The following DAB1 variants were observed in gnomAD, a reference collection of about 807,000 sequenced individuals.
The protein encoded by DAB1 is DAB adaptor protein 1.
In DAB1, 15 loss-of-function variants were observed where a neutral mutation model predicts 64.6. The observed-to-expected ratio is 0.23, with a 90% CI of 0.16 to 0.36. The LOEUF (loss-of-function observed/expected upper bound fraction) is 0.36. Ranked by LOEUF, DAB1 falls within the 10% of genes least tolerant of loss-of-function variation. The pLI, the probability that DAB1 is intolerant of heterozygous loss-of-function variation, is 1.00. For synonymous variants in DAB1, 235 were observed against 251.9 expected, an observed-to-expected ratio of 0.93 and a Z score of 0.64; for missense variants, 596 against 706.7, an observed-to-expected ratio of 0.84 and a Z score of 1.78.
intron 5 of DAB1, among the ~76,000 whole-genome samples, chr1:58,008,483 A>G (rs1392197477): frequency 6.6e-6 from 1 of 152,114 alleles, no homozygotes; most frequent in Non-Finnish European, 1.5e-5. Context: ...GGTATATAGC[A>G]ATTAACATTA....
chr1:58,430,438 G>A (rs189119939), intron 3 of DAB1, among the ~76,000 whole-genome samples: 2 of 152,270 alleles, frequency 1.3e-5, no homozygotes. Flanking sequence ...CATAATGTAA[G>A]AGATCATATC....
chr1:57,076,932 G>C (rs905162122), intron 4 of DAB1, among the ~76,000 whole-genome samples: 1 of 152,118 alleles, frequency 6.6e-6, no homozygotes, highest in Non-Finnish European at 1.5e-5. Flanking sequence ...ATGTGCTATG[G>C]CTACACAGAT....
chr1:57,189,054 C>G (rs1663877249), intron 2 of DAB1, among the ~76,000 whole-genome samples: 1 of 152,076 alleles, frequency 6.6e-6, no homozygotes, highest in Non-Finnish European at 1.5e-5. Context: ...GCCTGTTGGA[C>G]TCCACTTGAC....
intron 6 of DAB1, among the ~76,000 whole-genome samples, chr1:57,788,273 G>A (rs1368226933): frequency 6.6e-6 from 1 of 152,152 alleles, no homozygotes; most frequent in Non-Finnish European, 1.5e-5. Context: ...AACAATGCAA[G>A]TGTCTATAGC....
In DAB1 at chr1:57,064,658, T is replaced by C. The variant is rs567247657; in HGVS notation, c.664-1715A>G. Among the ~76,000 whole-genome samples the C allele has an allele frequency of 1.6e-4, 25 of 152,302 alleles. 1 individual carries two copies. In the South Asian group the frequency reaches 3.5e-3, roughly 21 times the overall value. ...AGCCAAAAGCTTGAGCCCAGGGAGT[T>C]TGCCATTTGACTGCTATACTATTCA... On this transcript the variant is annotated intron_variant, in intron 8 of 14. Coordinates refer to ENST00000371236, the MANE Select transcript of DAB1 (RefSeq NM_001365792.1).
At chr1:57,646,925 C>T (rs910975333) in intron 7 of DAB1, among the ~76,000 whole-genome samples, 1 of 152,200 alleles carries the variant, frequency 6.6e-6, no homozygotes, top group African/African-American at 2.4e-5. Flanking sequence ...TCACTGAGGT[C>T]CAGCTCAAGT....
At chr1:57,943,188 CTAAG>C (rs917498300) in intron 5 of DAB1, among the ~76,000 whole-genome samples, 7 of 152,156 alleles carry the variant, frequency 4.6e-5, no homozygotes, top group Admixed American at 2.6e-4. Context: ...CTGCAAAGCA[CTAAG>C]TAAGAGCTGG....
At chr1:57,177,961 T>C (rs989261423) in intron 2 of DAB1, among the ~76,000 whole-genome samples, 23 of 152,210 alleles carry the variant, frequency 1.5e-4, no homozygotes, top group African/African-American at 5.5e-4. Context: ...TCAGGTTTTG[T>C]GTGTTTTATG....
chr1:57,398,922 G>A (rs1025397163), intron 1 of DAB1, among the ~76,000 whole-genome samples: 1 of 132,126 alleles, frequency 7.6e-6, no homozygotes, highest in Non-Finnish European at 1.8e-5. Flanking sequence ...GCTGGCTTAG[G>A]GTTTTGAATG....
intron 9 of DAB1, among the ~76,000 whole-genome samples, chr1:57,056,728 G>A (rs1452436743): frequency 5.3e-5 from 8 of 151,940 alleles, no homozygotes; most frequent in Non-Finnish European, 7.4e-5. Flanking sequence ...GCCAGGCGTA[G>A]TGGTGCACGC....
chr1:57,560,273 G>T (rs961591335), intron 7 of DAB1, among the ~76,000 whole-genome samples: 8 of 152,146 alleles, frequency 5.3e-5, no homozygotes, highest in Admixed American at 5.2e-4. Flanking sequence ...TTTTGCTTCC[G>T]CAAGGTATCA....
chr1:58,252,423 G>A (rs910416530), intron 4 of DAB1, among the ~76,000 whole-genome samples: 1 of 152,180 alleles, frequency 6.6e-6, no homozygotes, highest in African/African-American at 2.4e-5. Context: ...GAAGCATGCA[G>A]GACATCATCA....
intron 1 of DAB1, among the ~76,000 whole-genome samples, chr1:57,829,747 AC>A (rs1652505088): frequency 6.6e-6 from 1 of 151,964 alleles, no homozygotes; most frequent in South Asian, 2.1e-4. Context: ...AGAGATTTCC[AC>A]CCCAGCTGAA....
intron 5 of DAB1, among the ~76,000 whole-genome samples, chr1:57,899,654 G>T (rs1331598490): frequency 6.6e-6 from 1 of 151,746 alleles, no homozygotes; most frequent in East Asian, 1.9e-4. Flanking sequence ...AAACAACAAG[G>T]ATTCCTTGTT....
intron 4 of DAB1, among the ~76,000 whole-genome samples, chr1:58,218,257 G>A (rs1232928055): frequency 2.0e-5 from 3 of 152,126 alleles, no homozygotes. Flanking sequence ...GACACCACCT[G>A]TTTAGGAGTC....
intron 7 of DAB1, among the ~76,000 whole-genome samples, chr1:57,550,997 CAGGAATCTGGAT>C (rs1318819084): frequency 3.3e-5 from 5 of 152,178 alleles, no homozygotes; most frequent in African/African-American, 1.2e-4. Flanking sequence ...TACAGTTGAG[CAGGAATCTGGAT>C]ATCTCAGGGG....
intron 14 of DAB1, among the ~76,000 whole-genome samples, chr1:57,002,838 C>T (rs1035637090): frequency 2.0e-5 from 3 of 152,158 alleles, no homozygotes; most frequent in South Asian, 2.1e-4. Context: ...GGGTACTTAA[C>T]GTCTTTGGGT....
chr1:57,631,278 G>T (rs1366394071), intron 7 of DAB1, among the ~76,000 whole-genome samples: 6 of 152,154 alleles, frequency 3.9e-5, no homozygotes, highest in African/African-American at 1.4e-4. Context: ...AATATTTAGG[G>T]TTAGCTCTTA....
intron 6 of DAB1, among the ~76,000 whole-genome samples, chr1:57,682,975 T>TGA (rs1156478657): frequency 2.6e-5 from 4 of 152,180 alleles, no homozygotes; most frequent in African/African-American, 9.7e-5. Context: ...CAGCCCAGCC[T>TGA]GAGTACCCTG....
Sources: gnomAD v4.1 joint callset for allele counts (sites outside exome capture counted in the v4.1 genomes callset) on GRCh38, gnomAD v4.1.1 for gene constraint, MANE v1.5 for transcripts, NCBI Gene and HGNC (gene_info 2026-07-23, HGNC 2026-07-21) for gene names.